The following EPHA7 variants were observed in gnomAD, a reference collection of about 807,000 sequenced individuals.
EPHA7 encodes ephrin type-A receptor 7.
A neutral mutation model predicts 112.6 loss-of-function variants in EPHA7; 25 were observed. The observed-to-expected ratio is 0.22, with a 90% CI of 0.16 to 0.31. The LOEUF is 0.31. EPHA7 is among the 10% of genes least tolerant of loss of function. The probability of loss-of-function intolerance (pLI) is 1.00; values close to 1 mark genes in which losing one functional copy is unlikely to be tolerated. For missense variants in EPHA7, 962 were observed against 1,212.6 expected (o/e 0.79, Z 3.07); for synonymous variants, 437 against 406.5 (o/e 1.07, Z -0.90).
intron 5 of EPHA7, among the ~76,000 whole-genome samples, chr6:93,355,842 TTTC>T (rs1775916871): frequency 6.6e-6 from 1 of 152,218 alleles, no homozygotes; most frequent in Non-Finnish European, 1.5e-5. Context: ...GGTTATGCCA[TTTC>T]TTCTGAAATC....
chr6:93,400,955 T>C (rs754931454), intron 3 of EPHA7, among the ~76,000 whole-genome samples: 1 of 152,164 alleles, frequency 6.6e-6, no homozygotes, highest in Non-Finnish European at 1.5e-5. Flanking sequence ...ATTGATATTA[T>C]GCTTTATTCA....
chr6:93,307,602 T>C (rs1773321662), intron 5 of EPHA7, among the ~76,000 whole-genome samples: 1 of 152,144 alleles, frequency 6.6e-6, no homozygotes, highest in Non-Finnish European at 1.5e-5. Context: ...CCAAGTTTAT[T>C]TGCACTCCCC....
At chr6:93,283,649 C>T (rs185808863) in intron 5 of EPHA7, among the ~76,000 whole-genome samples, 19 of 152,186 alleles carry the variant, frequency 1.2e-4, no homozygotes, top group African/African-American at 4.3e-4. Context: ...CCGAAGCCAG[C>T]GAGACCAGGA....
chr6:93,254,889 G>T (rs1770368800), intron 13 of EPHA7, 93 bp from the exon 14 acceptor site: 5 of 1,062,548 alleles, frequency 4.7e-6, no homozygotes, highest in Admixed American at 5.0e-5. Context: ...ATTTTTGGTT[G>T]GTAGTTCAGC....
At chr6:93,251,859 T>C (rs7760035) in intron 14 of EPHA7, among the ~76,000 whole-genome samples, 2,411 of 152,046 alleles carry the variant, frequency 0.016, 65 homozygotes, top group African/African-American at 0.055. Flanking sequence ...AGAACGAAAG[T>C]TGGAAATTTA....
intron 5 of EPHA7, among the ~76,000 whole-genome samples, chr6:93,292,498 G>GTT (rs869033330): frequency 1.3e-5 from 2 of 150,664 alleles, no homozygotes; most frequent in East Asian, 1.9e-4. Context: ...GAAAAGTTGT[G>GTT]TTTTTTTTTG....
chr6:93,286,944 A>G (rs1772095568), intron 5 of EPHA7, among the ~76,000 whole-genome samples: 1 of 152,202 alleles, frequency 6.6e-6, no homozygotes, highest in African/African-American at 2.4e-5. Context: ...GCATGAATAT[A>G]GTACTTTTTA....
At chr6:93,316,493 A>G (rs1163502428) in intron 5 of EPHA7, among the ~76,000 whole-genome samples, 1 of 152,130 alleles carries the variant, frequency 6.6e-6, no homozygotes, top group Non-Finnish European at 1.5e-5. Context: ...TATATTACAT[A>G]CTGCAATTAT....
At chr6:93,323,494 C>A (rs899187660) in intron 5 of EPHA7, among the ~76,000 whole-genome samples, 1 of 151,418 alleles carries the variant, frequency 6.6e-6, no homozygotes, top group African/African-American at 2.4e-5. Context: ...TTATTGTACA[C>A]GTACAAATAT....
intron 7 of EPHA7, among the ~76,000 whole-genome samples, chr6:93,265,690 T>G (rs761498007): frequency 1.3e-5 from 2 of 151,668 alleles, no homozygotes; most frequent in African/African-American, 2.4e-5. Flanking sequence ...GCAAATATCA[T>G]AAAATACATA....
chr6:93,254,032 A>G (rs1770329384), intron 14 of EPHA7, among the ~76,000 whole-genome samples: 1 of 152,052 alleles, frequency 6.6e-6, no homozygotes, highest in Admixed American at 6.6e-5. Context: ...GGAAAACAGT[A>G]TGTTTTATGT....
At chr6:93,293,815 C>T (rs1393064021) in intron 5 of EPHA7, among the ~76,000 whole-genome samples, 2 of 152,122 alleles carry the variant, frequency 1.3e-5, no homozygotes, top group African/African-American at 4.8e-5. Flanking sequence ...AATTATGGTT[C>T]CTTTGTCTTG....
chr6:93,311,114 A>ATTTTT lies in EPHA7; in HGVS notation c.1325-38697_1325-38693dup, dbSNP rs71542009. ...ACAGGCATGTGCATCATGCCCAGCT[A>ATTTTT]TTTTTTTTTTTTTTTTTTTTTTTTT... On this transcript the variant is annotated intron_variant, in intron 5 of 16. Transcript: ENST00000369303. 7.5e-3 allele frequency among the ~76,000 whole-genome samples: 585 copies of ATTTTT among 78,486 alleles called. 79 individuals carry two copies. The highest frequency in any genetic ancestry group is 0.033 in the African/African-American group (562 of 16,998). 51.5% of individuals were successfully genotyped at this position (78,486 alleles called of 152,430 possible).
chr6:93,367,766 A>C (rs1317534387), intron 3 of EPHA7, among the ~76,000 whole-genome samples: 1 of 152,154 alleles, frequency 6.6e-6, no homozygotes, highest in African/African-American at 2.4e-5. Context: ...GATTGTTATG[A>C]ATTACAGTGC....
intron 13 of EPHA7, 75 bp downstream of exon 13, chr6:93,255,753 A>T: frequency 7.5e-7 from 1 of 1,325,130 alleles, no homozygotes; most frequent in Non-Finnish European, 1.1e-6. Context: ...GTTTAGTTTT[A>T]CATTATTAGG....
In EPHA7 at chr6:93,341,738, A is replaced by G. The variant is rs1775148161; in HGVS notation, c.1324+14979T>C. On this transcript the variant is annotated intron_variant, in intron 5 of 16. Coordinates refer to ENST00000369303, the MANE Select transcript of EPHA7 (RefSeq NM_004440.4). ...ACTGATACAAATGTTAGCTACAGTT[A>G]ATAATTCAGCACAGGTCCTCTACAT... 5.3e-5 allele frequency among the ~76,000 whole-genome samples: 8 copies of G among 152,008 alleles called. No homozygotes were observed. The South Asian group carries it at 1.4e-3, about 28-fold the overall frequency.
intron 15 of EPHA7, 114 bp from the exon 16 acceptor site, chr6:93,245,567 T>A: frequency 1.9e-6 from 2 of 1,049,200 alleles, no homozygotes; most frequent in Non-Finnish European, 2.7e-6. Context: ...TTAATTGGTG[T>A]ACATAATAAA....
intron 5 of EPHA7, among the ~76,000 whole-genome samples, chr6:93,286,244 T>C (rs992531721): frequency 2.6e-5 from 4 of 152,152 alleles, no homozygotes; most frequent in African/African-American, 9.7e-5. Context: ...GCTATACAGA[T>C]GATTCTCATG....
chr6:93,290,975 C>T (rs1582458828), intron 5 of EPHA7, among the ~76,000 whole-genome samples: 1 of 152,056 alleles, frequency 6.6e-6, no homozygotes, highest in South Asian at 2.1e-4. Flanking sequence ...GAAATAGATC[C>T]CAGTAGTTTA....
Sources: gnomAD v4.1 joint callset for allele counts (sites outside exome capture counted in the v4.1 genomes callset) on GRCh38, gnomAD v4.1.1 for gene constraint, MANE v1.5 for transcripts, NCBI Gene and HGNC (gene_info 2026-07-23, HGNC 2026-07-21) for gene names.